The following BEGAIN variants were observed in gnomAD, a reference collection of about 807,000 sequenced individuals.
The protein encoded by BEGAIN is brain enriched guanylate kinase associated.
A neutral mutation model predicts 35.8 loss-of-function variants in BEGAIN; 19 were observed. The observed-to-expected ratio is 0.53, with a 90% CI of 0.37 to 0.78. BEGAIN has a LOEUF of 0.78. Among genes scored for constraint, BEGAIN ranks in the 30% least tolerant of loss-of-function variants. The pLI is 0.00. For synonymous variants in BEGAIN, 462 were observed against 388.6 expected, an observed-to-expected ratio of 1.19 and a Z score of -2.22; for missense variants, 795 against 853.6, an observed-to-expected ratio of 0.93 and a Z score of 0.85.
Position 100,573,621 on chromosome 14 carries a change from A to G in BEGAIN, c.43-5682T>C, listed in dbSNP as rs1462312988. ...ATTCCCAGGCAGTCTAGAAGCAGACATGGAAGGAAGAGAACCCCTGAGGTG... is the reference window on the plus strand; with the variant it reads ...ATTCCCAGGCAGTCTAGAAGCAGACGTGGAAGGAAGAGAACCCCTGAGGTG... On this transcript the variant is annotated intron_variant, in intron 1 of 6. Transcript: ENST00000554140. This position sits in a 1 kb window ranked among gnomAD's most constrained non-coding sequence, Gnocchi z 4.2. 1.3e-5 allele frequency among the ~76,000 whole-genome samples: 2 copies of G among 151,826 alleles called. No individual in the cohort carries two copies. The highest frequency in any genetic ancestry group is 2.9e-5 in the Non-Finnish European group (2 of 67,950).
In BEGAIN at chr14:100,540,239, A is replaced by G. The variant is rs1355643130; in HGVS notation, c.492+257T>C. 7.5e-6 allele frequency: 4 copies of G among 532,898 alleles called. No homozygotes were observed. The African/African-American group carries it at 7.6e-5, about 10-fold the overall frequency. The allele number at this position is 532,898 out of a possible 1,614,324, so 33.0% of individuals were successfully genotyped here. Reference sequence around the variant, plus strand: ...AGGACCTGGAGCAGCCCCCCAAAGGAAACCGAGGGCAACCAGCAGCCGGGG... The same window carrying G: ...AGGACCTGGAGCAGCCCCCCAAAGGGAACCGAGGGCAACCAGCAGCCGGGG... On this transcript the variant is annotated intron_variant, in intron 6 of 6. Transcript: ENST00000554140.
At chr14:100,576,184 C>T (rs2035197683) in intron 1 of BEGAIN, among the ~76,000 whole-genome samples, 1 of 152,104 alleles carries the variant, frequency 6.6e-6, no homozygotes, top group African/African-American at 2.4e-5. Flanking sequence ...TGCAGACCTA[C>T]AGGGAAAGGG....
chr14:100,581,161 C>A (rs527974605), intron 1 of BEGAIN, among the ~76,000 whole-genome samples: 2 of 152,202 alleles, frequency 1.3e-5, no homozygotes, highest in African/African-American at 4.8e-5. Flanking sequence ...GTACTCAGCC[C>A]ATGGCAGTGC....
intron 2 of BEGAIN, among the ~76,000 whole-genome samples, chr14:100,553,239 G>T (rs963509376): frequency 6.6e-6 from 1 of 152,094 alleles, no homozygotes; most frequent in African/African-American, 2.4e-5. Flanking sequence ...CCTGTGTCCC[G>T]TTCTCACTGG....
intron 2 of BEGAIN, chr14:100,549,311 A>C (rs1257965254): frequency 1.3e-5 from 2 of 152,462 alleles, no homozygotes; most frequent in African/African-American, 4.8e-5. Flanking sequence ...GTCAGGCTCC[A>C]TACCCTCACC....
In BEGAIN at chr14:100,540,539, A is replaced by C; in HGVS notation, c.449T>G (p.Leu150Arg). 6.2e-7 allele frequency: 1 copy of C among 1,608,212 alleles called. No individual in the cohort carries two copies. The highest frequency in any genetic ancestry group is 1.3e-5 in the African/African-American group (1 of 74,952). The change falls in exon 6 of 7, where the codon CTG becomes CGG. Residue 150 changes from leucine (L) to arginine (R), a missense_variant. By Grantham distance (102) the Leu-to-Arg change is moderately radical. Transcript: ENST00000554140. The stretch of plus-strand genomic sequence containing the variant: ...CCTGCCGTAGGTCTGGCTGCACTGC[A>C]GCAGCTGGGCCGCTAGATTGCAGTC... ...RKDCNLAAQL[L>R]QCSQTYGRVH...
At position 100,563,040 on chromosome 14, in the gene BEGAIN, G is replaced by A. The variant is rs746664038; in HGVS notation, c.71+4871C>T. On this transcript the variant is annotated intron_variant, in intron 2 of 6. Coordinates refer to ENST00000554140, the MANE Select transcript of BEGAIN (RefSeq NM_001385089.1). This position sits in a 1 kb window ranked among gnomAD's most constrained non-coding sequence, Gnocchi z 4.2. ...GAGAGGGTGCCCTTTGAGGGGGGGC[G>A]TGGAGGGGCAGGGCAGGACAGGGTC... 1.3e-5 allele frequency among the ~76,000 whole-genome samples: 2 copies of A among 152,212 alleles called. No homozygotes were observed. Among genetic ancestry groups the A allele is most frequent in the African/African-American group, 2.4e-5 (1 of 41,450 alleles).
At position 100,557,956 on chromosome 14, in the gene BEGAIN, G is replaced by C. The variant is rs112177372; in HGVS notation, c.71+9955C>G. Among the ~76,000 whole-genome samples the C allele has an allele frequency of 4.8e-3, 723 of 152,158 alleles. 6 individuals carry two copies. Among genetic ancestry groups the C allele is most frequent in the African/African-American group, 0.015 (622 of 41,492 alleles). On this transcript the variant is annotated intron_variant, in intron 2 of 6. Transcript: ENST00000554140. ...CTACCAGCATCTGCCCCGACACCCG[G>C]TGCCGCCCACCGTTACTTACAGACC...
chr14:100,568,441 T>A lies in BEGAIN; in HGVS notation c.43-502A>T. 7.8e-7 allele frequency: 1 copy of A among 1,283,766 alleles called. No individual in the cohort carries two copies. Among genetic ancestry groups the A allele is most frequent in the South Asian group, 1.2e-5 (1 of 80,156 alleles). The allele number at this position is 1,283,766 out of a possible 1,614,324, so 79.5% of individuals were successfully genotyped here. The stretch of plus-strand genomic sequence containing the variant: ...CGTGCAGGATTGCAGAACCTGACAC[T>A]CACACAATCCGAGGGCGATGGCATT... On this transcript the variant is annotated intron_variant, in intron 1 of 6. Coordinates refer to ENST00000554140, the MANE Select transcript of BEGAIN (RefSeq NM_001385089.1). This position sits in a 1 kb window ranked among gnomAD's most constrained non-coding sequence, Gnocchi z 7.5.
chr14:100,583,027 C>T (rs536867475), intron 1 of BEGAIN, among the ~76,000 whole-genome samples: 2 of 150,478 alleles, frequency 1.3e-5, no homozygotes, highest in African/African-American at 2.4e-5. Context: ...CCCCTGTGAC[C>T]GCTCACCCAT....
At chr14:100,546,712 A>T (rs747013638) in intron 2 of BEGAIN, 50 bp from the exon 3 acceptor site, 2 of 1,496,388 alleles carry the variant, frequency 1.3e-6, no homozygotes, top group Non-Finnish European at 1.8e-6. Context: ...GAGCGGGGGA[A>T]ACTAAGGCCC....
Position 100,553,108 on chromosome 14 carries a change from C to T in BEGAIN, c.72-6446G>A, listed in dbSNP as rs150871432. ...CCCTGGGGGCGGCACTGTCAACAGA[C>T]GCCTGTTTTCCTCCCCCAGGGAAGG... On this transcript the variant is annotated intron_variant, in intron 2 of 6. Transcript: ENST00000554140. Among the ~76,000 whole-genome samples, 1,125 of 152,252 alleles carry T rather than the reference C, an allele frequency of 7.4e-3. 11 individuals carry two copies. Among genetic ancestry groups the T allele is most frequent in the Middle Eastern group, 0.027 (8 of 294 alleles).
chr14:100,540,633 G>A (rs2031465432), intron 5 of BEGAIN, 54 bp from the exon 6 acceptor site: 8 of 1,396,760 alleles, frequency 5.7e-6, no homozygotes, highest in Admixed American at 3.9e-5. Context: ...AGGCCCCGCC[G>A]CCCTGACCAG....
chr14:100,576,541 C>G (rs2035207470), intron 1 of BEGAIN, among the ~76,000 whole-genome samples: 1 of 152,180 alleles, frequency 6.6e-6, no homozygotes. Flanking sequence ...TGGGTGGCTA[C>G]AGGTTGATAT....
chr14:100,545,131 G>A (rs373225306), intron 3 of BEGAIN, 65 bp from the exon 4 acceptor site: 11 of 1,607,170 alleles, frequency 6.8e-6, no homozygotes, highest in South Asian at 1.1e-5. Flanking sequence ...CCTTATGGCC[G>A]CACAGCCTGC....
intron 1 of BEGAIN, among the ~76,000 whole-genome samples, chr14:100,582,710 G>A (rs2035346963): frequency 6.6e-6 from 1 of 152,066 alleles, no homozygotes; most frequent in Non-Finnish European, 1.5e-5. Context: ...TAGGAACCCC[G>A]GCTGGCCGCT....
At chr14:100,554,343 C>T (rs1469274994) in intron 2 of BEGAIN, among the ~76,000 whole-genome samples, 18 of 152,180 alleles carry the variant, frequency 1.2e-4, no homozygotes, top group Admixed American at 1.2e-3. Flanking sequence ...GTGCCCCTGG[C>T]GTGTTGTGGG....
intron 1 of BEGAIN, chr14:100,577,690 G>A (rs938605365): frequency 1.0e-5 from 4 of 399,004 alleles, no homozygotes; most frequent in East Asian, 3.6e-5. Flanking sequence ...CCGGCTGCCT[G>A]TGTTCAGGGA....
chr14:100,546,582 A>T lies in BEGAIN; in HGVS notation c.152T>A (p.Phe51Tyr). ...THKLEKLETE[F>Y]DSTRHYLEIE... The stretch of plus-strand genomic sequence containing the variant: ...CTCCAGGTAGTGGCGCGTGGAGTCG[A>T]ACTCGGTCTCGAGCTTCTCGAGCTT... Residue 51 changes from phenylalanine (F) to tyrosine (Y), a missense_variant, in exon 3 of 7, where the codon TTC (phenylalanine) becomes TAC (tyrosine). Phe to Tyr is a conservative substitution (Grantham distance 22). This residue lies in a region of BEGAIN where 58 missense variants were observed against 62.7 expected (regional missense o/e 0.92). Coordinates refer to ENST00000554140, the MANE Select transcript of BEGAIN (RefSeq NM_001385089.1). 6.3e-7 allele frequency: 1 copy of T among 1,592,408 alleles called. No homozygotes were observed. Among genetic ancestry groups the T allele is most frequent in the South Asian group, 1.1e-5 (1 of 88,918 alleles).
Sources: gnomAD v4.1 joint callset for allele counts (sites outside exome capture counted in the v4.1 genomes callset) on GRCh38, gnomAD v4.1.1 for gene constraint, gnomAD v4.1.1 regional missense constraint, Gnocchi (gnomAD v3.1) non-coding constraint, MANE v1.5 for transcripts, NCBI Gene and HGNC (gene_info 2026-07-23, HGNC 2026-07-21) for gene names.